The following PRMT7 variants were observed in gnomAD, a reference collection of about 807,000 sequenced individuals.
PRMT7 encodes the protein protein arginine N-methyltransferase 7.
Under a neutral mutation model 85.4 loss-of-function variants are expected in PRMT7, and 75 were observed. The ratio of observed to expected loss-of-function variants is 0.88; its 90% CI spans 0.73 to 1.06. PRMT7 has a LOEUF of 1.06. Among genes scored for constraint, PRMT7 ranks in the 50% least tolerant of loss-of-function variants. The pLI is 0.00. For missense variants in PRMT7, 868 were observed against 915.2 expected, an observed-to-expected ratio of 0.95 and a Z score of 0.67; for synonymous variants, 397 against 359.5, an observed-to-expected ratio of 1.10 and a Z score of -1.18.
chr16:68,320,188 T>C (rs1055801290), intron 3 of PRMT7, among the ~76,000 whole-genome samples: 2 of 152,080 alleles, frequency 1.3e-5, no homozygotes, highest in African/African-American at 4.8e-5. Context: ...AAATGTGTAG[T>C]GTATAGCAAG....
At chr16:68,327,302 GTC>G (rs975090174) in intron 5 of PRMT7, among the ~76,000 whole-genome samples, 2 of 152,220 alleles carry the variant, frequency 1.3e-5, no homozygotes, top group Non-Finnish European at 2.9e-5. Flanking sequence ...CCACACGTGA[GTC>G]TGTTTGTTTT....
At chr16:68,347,495 C>G in intron 12 of PRMT7, 136 bp from the exon 13 acceptor site, 1 of 1,091,114 alleles carries the variant, frequency 9.2e-7, no homozygotes, top group East Asian at 2.4e-5. Flanking sequence ...TTCAGGCTGC[C>G]CCAGGGAGGG....
At chr16:68,342,412 C>G (rs1410791046) in intron 9 of PRMT7, among the ~76,000 whole-genome samples, 2 of 152,180 alleles carry the variant, frequency 1.3e-5, no homozygotes, top group Non-Finnish European at 2.9e-5. Flanking sequence ...ATCTCTTTCA[C>G]TGTCATAATT....
chr16:68,322,965 C>T (rs912156051), intron 4 of PRMT7, among the ~76,000 whole-genome samples: 1 of 151,684 alleles, frequency 6.6e-6, no homozygotes. Context: ...ATCTGGGAGG[C>T]GGAGCTTGCA....
In PRMT7 at chr16:68,355,899, G is replaced by A. The variant is rs757225380; in HGVS notation, c.1811+16G>A. 1.9e-6 allele frequency: 3 copies of A among 1,556,366 alleles called. No homozygotes were observed. The highest frequency in any genetic ancestry group is 2.6e-6 in the Non-Finnish European group (3 of 1,151,634). ...AGCTCAGAAGGTGGGTGCAGAGAGG[G>A]CTGGGGGGCAGGGAGGGGCTGCTGC... On this transcript the variant is annotated intron_variant, in intron 17 of 18. Coordinates refer to ENST00000441236, the MANE Select transcript of PRMT7 (RefSeq NM_019023.5).
chr16:68,353,728 C>G (rs750600625), intron 16 of PRMT7, among the ~76,000 whole-genome samples, 162 bp downstream of exon 16: 3 of 152,208 alleles, frequency 2.0e-5, no homozygotes, highest in Non-Finnish European at 2.9e-5. Context: ...GGTACCAGCC[C>G]TGTTCTTGGC....
rs1286670210 is a variant in PRMT7 at position 68,357,233 on chromosome 16, G to A, written c.*9G>A. On this transcript the variant is annotated 3_prime_UTR_variant, in exon 19 of 19. Coordinates refer to ENST00000441236, the MANE Select transcript of PRMT7 (RefSeq NM_019023.5). ...CAGATACCCCAGACTGACCACTCTT[G>A]AGCAATAAAGTGGCCTGAGGGCTGG... The A allele has an allele frequency of 1.9e-6, 3 of 1,603,568 alleles. No homozygotes were observed. Among genetic ancestry groups the A allele is most frequent in the East Asian group, 2.2e-5 (1 of 44,780 alleles).
intron 1 of PRMT7, chr16:68,311,810 A>T (rs796118680): frequency 6.6e-6 from 1 of 151,216 alleles, no homozygotes; most frequent in Non-Finnish European, 1.5e-5. Context: ...TGTAGATCTC[A>T]AATGCTAGTT....
chr16:68,360,363 A>ATACTC (rs1001255032), downstream of PRMT7: 2 of 150,392 alleles, frequency 1.3e-5, no homozygotes, highest in Non-Finnish European at 2.9e-5. Flanking sequence ...AAAAAAGTGG[A>ATACTC]TACTCTCTTC....
intron 2 of PRMT7, among the ~76,000 whole-genome samples, chr16:68,313,799 C>T (rs562874018): frequency 7.9e-5 from 12 of 152,130 alleles, no homozygotes; most frequent in South Asian, 4.1e-4. Context: ...AGCTGGGTGC[C>T]GTGGTGCATG....
At chr16:68,351,339 C>T (rs961456502) in intron 14 of PRMT7, 2 of 151,910 alleles carry the variant, frequency 1.3e-5, no homozygotes, top group Non-Finnish European at 2.9e-5. Context: ...TCCCACCCCT[C>T]CCACCCTGTA....
In PRMT7 at chr16:68,357,074, C is replaced by T. The variant is rs149498844; in HGVS notation, c.1929C>T (p.Pro643=). The T allele has an allele frequency of 9.9e-6, 16 of 1,610,594 alleles. No individual in the cohort carries two copies. The highest frequency in any genetic ancestry group is 8.0e-5 in the African/African-American group (6 of 74,814). Residue 643 remains proline (P), a synonymous_variant, in exon 19 of 19, where the codon CCC becomes CCT. Coordinates refer to ENST00000441236, the MANE Select transcript of PRMT7 (RefSeq NM_019023.5). ...ADPEGGCCWN[P]HCKQAVYFFS... is the part of the protein sequence containing the mutation. ...TACAGGGGGGCTGCTGCTGGAACCC[C>T]CACTGCAAGCAGGCCGTCTACTTCT...
chr16:68,319,451 G>C (rs1210203951), intron 3 of PRMT7, among the ~76,000 whole-genome samples: 1 of 151,988 alleles, frequency 6.6e-6, no homozygotes, highest in East Asian at 1.9e-4. Flanking sequence ...TGATGTCAGT[G>C]GAGTGGTGGG....
chr16:68,326,482 G>T (rs1157446375), intron 5 of PRMT7, among the ~76,000 whole-genome samples: 2 of 152,138 alleles, frequency 1.3e-5, no homozygotes. Flanking sequence ...CTGATCTCAG[G>T]GGATCCCCCC....
chr16:68,323,885 T>C (rs1401068622), intron 4 of PRMT7: 1 of 152,222 alleles, frequency 6.6e-6, no homozygotes, highest in African/African-American at 2.4e-5. Context: ...CAGACCGTTA[T>C]AGATGAAAGA....
At chr16:68,328,906 G>A (rs2290698) in intron 5 of PRMT7, among the ~76,000 whole-genome samples, 160 bp from the exon 6 acceptor site, 93,259 of 152,086 alleles carry the variant, frequency 0.61, 28,796 homozygotes, top group East Asian at 0.79. Context: ...GTTAAAGCCA[G>A]CTGAATCTCA....
At chr16:68,343,995 G>A (rs1253872064) in intron 9 of PRMT7, among the ~76,000 whole-genome samples, 1 of 152,186 alleles carries the variant, frequency 6.6e-6, no homozygotes, top group Non-Finnish European at 1.5e-5. Context: ...TAGAGACAGG[G>A]TCTTGCTTTA....
chr16:68,357,307 C>A lies in PRMT7; in HGVS notation c.*83C>A. 7.1e-7 allele frequency: 1 copy of A among 1,412,870 alleles called. No homozygotes were observed. Among genetic ancestry groups the A allele is most frequent in the African/African-American group, 1.4e-5 (1 of 69,628 alleles). 87.5% of individuals were successfully genotyped at this position (1,412,870 alleles called of 1,614,324 possible). On this transcript the variant is annotated 3_prime_UTR_variant, in exon 19 of 19. Transcript: ENST00000441236. Reference sequence around the variant, plus strand: ...CTAGCGGGGAAGGCTGAAGGCCCTCCTCTCCTCTCTGGGAGCTGCTCGGCC... The same window carrying A: ...CTAGCGGGGAAGGCTGAAGGCCCTCATCTCCTCTCTGGGAGCTGCTCGGCC...
chr16:68,313,452 T>C (rs2044235842), intron 2 of PRMT7, among the ~76,000 whole-genome samples: 1 of 152,186 alleles, frequency 6.6e-6, no homozygotes, highest in Non-Finnish European at 1.5e-5. Context: ...TGGTCCAGTT[T>C]TACTTCACTA....
Sources: allele counts gnomAD v4.1 joint callset (sites outside exome capture counted in the v4.1 genomes callset), GRCh38; gene constraint gnomAD v4.1.1; transcripts MANE v1.5; gene names NCBI Gene and HGNC (gene_info 2026-07-23, HGNC 2026-07-21).